CDADC1: variants seen among roughly 807,000 people sequenced by gnomAD.
The protein encoded by CDADC1 is dCTP deaminase.
In CDADC1, 39 loss-of-function variants were observed where a neutral mutation model predicts 54.9. That is an observed-to-expected ratio of 0.71 (90% confidence interval 0.55 to 0.93). The LOEUF is 0.93. Among genes scored for constraint, CDADC1 ranks in the 40% least tolerant of loss-of-function variants. The pLI, the probability that CDADC1 is intolerant of heterozygous loss-of-function variation, is 0.00. For missense variants in CDADC1, 518 were observed against 618.8 expected, an observed-to-expected ratio of 0.84 and a Z score of 1.73; for synonymous variants, 186 against 204.0, an observed-to-expected ratio of 0.91 and a Z score of 0.75.
chr13:49,268,150 T>A (rs1381851369), intron 5 of CDADC1, 91 bp downstream of exon 5: 5 of 1,021,030 alleles, frequency 4.9e-6, no homozygotes, highest in Non-Finnish European at 7.2e-6. Context: ...GTTCATTTAC[T>A]CATAGTTACT....
rs1434527505 is a variant in CDADC1 at position 49,293,257 on chromosome 13, CAGT to C, written c.*1502_*1504del. The C allele has an allele frequency of 6.6e-6, 1 of 152,244 alleles. No individual in the cohort carries two copies. The highest frequency in any genetic ancestry group is 2.4e-5 in the African/African-American group (1 of 41,454). 9.4% of individuals were successfully genotyped at this position (152,244 alleles called of 1,614,324 possible). A position where few individuals can be genotyped will look rare whatever the true frequency, so the allele number is the denominator to read the frequency against. On this transcript the variant is annotated 3_prime_UTR_variant, in exon 10 of 10. Coordinates refer to ENST00000251108, the MANE Select transcript of CDADC1 (RefSeq NM_030911.4). ...TACACCAAACATTTTATAAATCAAT[CAGT>C]AAATATTTTGTAAGACCCAAAATCC...
intron 4 of CDADC1, among the ~76,000 whole-genome samples, chr13:49,261,323 T>C (rs1319574531): frequency 6.6e-6 from 1 of 152,102 alleles, no homozygotes; most frequent in East Asian, 1.9e-4. Context: ...TCTGTGGTAG[T>C]GATTGGATTC....
At chr13:49,251,278 C>A (rs894160709) in intron 2 of CDADC1, among the ~76,000 whole-genome samples, 3 of 151,476 alleles carry the variant, frequency 2.0e-5, no homozygotes, top group Non-Finnish European at 4.4e-5. Context: ...CGTGGTGGTG[C>A]GTGCCTGTAG....
At chr13:49,272,203 T>C (rs968560173) in intron 5 of CDADC1, among the ~76,000 whole-genome samples, 2 of 152,240 alleles carry the variant, frequency 1.3e-5, no homozygotes, top group Non-Finnish European at 2.9e-5. Context: ...ATTTTTATTC[T>C]GGTTTTTTAT....
At chr13:49,251,873 CT>C (rs35208522) in intron 2 of CDADC1, among the ~76,000 whole-genome samples, 47,380 of 152,000 alleles carry the variant, frequency 0.31, 7,447 homozygotes, top group East Asian at 0.5. Flanking sequence ...GCCAACAACT[CT>C]TAAGTTTTCC....
intron 2 of CDADC1, among the ~76,000 whole-genome samples, chr13:49,254,338 A>G (rs913244431): frequency 1.3e-5 from 2 of 151,598 alleles, no homozygotes; most frequent in African/African-American, 2.4e-5. Flanking sequence ...TAAGACTAGC[A>G]GGTCAACATT....
intron 1 of CDADC1, 168 bp downstream of exon 1, chr13:49,248,287 C>A (rs1419386047): frequency 3.4e-6 from 2 of 589,300 alleles, no homozygotes; most frequent in Non-Finnish European, 6.0e-6. Context: ...CAGGACCAAT[C>A]GGCTCGGTCG....
chr13:49,251,894 A>G (rs1952441772), intron 2 of CDADC1, among the ~76,000 whole-genome samples: 1 of 152,212 alleles, frequency 6.6e-6, no homozygotes, highest in African/African-American at 2.4e-5. Flanking sequence ...CTGGCATCTC[A>G]TTCCTTCATC....
intron 9 of CDADC1, among the ~76,000 whole-genome samples, chr13:49,291,316 C>T (rs767184837): frequency 1.1e-4 from 16 of 147,914 alleles, no homozygotes; most frequent in Non-Finnish European, 1.9e-4. Flanking sequence ...TACAGGTGTG[C>T]GCCACAACAC....
chr13:49,278,403 T>C lies in CDADC1; in HGVS notation c.1104T>C (p.Ala368=). Residue 368 remains alanine (A), a synonymous_variant, in exon 7 of 10, where the codon GCT becomes GCC. Coordinates refer to ENST00000251108, the MANE Select transcript of CDADC1 (RefSeq NM_030911.4). ...ACTTTGTAGGATGTGGTTACAATGC[T>C]TTTCCTGTTGGATCTGAGTATGCTG... ...AMYFVGCGYN[A]FPVGSEYADF... The C allele has an allele frequency of 6.2e-7, 1 of 1,602,712 alleles. No homozygotes were observed.
At chr13:49,262,129 T>C (rs981075486) in intron 4 of CDADC1, among the ~76,000 whole-genome samples, 7 of 152,034 alleles carry the variant, frequency 4.6e-5, no homozygotes, top group Non-Finnish European at 1.5e-5. Flanking sequence ...GTCCACGAGG[T>C]CAATGTTATT....
intron 5 of CDADC1, among the ~76,000 whole-genome samples, chr13:49,269,387 C>G (rs1271738312): frequency 6.6e-6 from 1 of 152,010 alleles, no homozygotes; most frequent in African/African-American, 2.4e-5. Flanking sequence ...TAAACCAAGT[C>G]CCTAACAAAA....
intron 7 of CDADC1, 53 bp from the exon 8 acceptor site, chr13:49,280,455 AT>A (rs1953287163): frequency 4.3e-6 from 4 of 924,586 alleles, no homozygotes; most frequent in Non-Finnish European, 6.1e-6. Flanking sequence ...TTTCTAAAAA[AT>A]AACTTACCCT....
At chr13:49,263,844 A>G (rs896502594) in intron 4 of CDADC1, among the ~76,000 whole-genome samples, 2 of 152,316 alleles carry the variant, frequency 1.3e-5, no homozygotes, top group Non-Finnish European at 2.9e-5. Flanking sequence ...ACTGCTTACA[A>G]TTCCAACCAA....
intron 5 of CDADC1, among the ~76,000 whole-genome samples, chr13:49,270,777 TAATAAC>T (rs1952946379): frequency 6.6e-6 from 1 of 152,178 alleles, no homozygotes; most frequent in Non-Finnish European, 1.5e-5. Context: ...TAATGATAAA[TAATAAC>T]AATGACAGTT....
chr13:49,267,807 A>T lies in CDADC1; in HGVS notation c.748A>T (p.Met250Leu). 1 of 1,613,098 alleles carries T rather than the reference A, an allele frequency of 6.2e-7. No homozygotes were observed. The highest frequency in any genetic ancestry group is 8.5e-7 in the Non-Finnish European group (1 of 1,179,282). The change falls in exon 5 of 10, where the codon ATG becomes TTG. Residue 250 changes from methionine to leucine, a missense_variant. Transcript: ENST00000251108. ...GTTATTTTTGGTTTCAAATGAAGAAATGCATAAGCAAATACTGATGACTAT... is the reference window on the plus strand; with the variant it reads ...GTTATTTTTGGTTTCAAATGAAGAATTGCATAAGCAAATACTGATGACTAT... ...EMLFLVSNEE[M>L]HKQILMTIGL...
Position 49,291,575 on chromosome 13 carries a change from A to G in CDADC1, c.1472-109A>G, listed in dbSNP as rs1450632502. ...GAATTTGAAGATAAAATAAAGTGAA[A>G]GTTCCTTTAACTTAAGCATTGTTTT... On this transcript the variant is annotated intron_variant, in intron 9 of 9. Transcript: ENST00000251108. 3.3e-6 allele frequency: 3 copies of G among 910,188 alleles called. No homozygotes were observed. In the African/African-American group the frequency reaches 5.1e-5, roughly 16 times the overall value. The allele number at this position is 910,188 out of a possible 1,614,324, so 56.4% of individuals were successfully genotyped here.
chr13:49,267,990 A>G lies in CDADC1; in HGVS notation c.931A>G (p.Asn311Asp), dbSNP rs1174137978. The G allele has an allele frequency of 1.2e-6, 2 of 1,613,952 alleles. No individual in the cohort carries two copies. Among genetic ancestry groups the G allele is most frequent in the African/African-American group, 2.7e-5 (2 of 74,922 alleles). The part of the protein sequence containing the change: ...SNPEQINEIH[N>D]QSLPQEIARH... ...TCCAGAACAGATTAATGAAATTCACAATCAAAGTTTGCCACAGGAAATTGC... is the reference window on the plus strand; with the variant it reads ...TCCAGAACAGATTAATGAAATTCACGATCAAAGTTTGCCACAGGAAATTGC... The change falls in exon 5 of 10, where the codon AAT becomes GAT. Residue 311 changes from asparagine to aspartate, a missense_variant. Asn to Asp is a conservative substitution (Grantham distance 23). Coordinates refer to ENST00000251108, the MANE Select transcript of CDADC1 (RefSeq NM_030911.4).
intron 5 of CDADC1, among the ~76,000 whole-genome samples, chr13:49,270,457 A>G (rs911103049): frequency 1.3e-5 from 2 of 152,256 alleles, no homozygotes; most frequent in African/African-American, 4.8e-5. Flanking sequence ...GGCTTAAGCA[A>G]TCTTCCTGCC....
Sources: allele counts gnomAD v4.1 joint callset (sites outside exome capture counted in the v4.1 genomes callset), GRCh38; gene constraint gnomAD v4.1.1; transcripts MANE v1.5; gene names NCBI Gene and HGNC (gene_info 2026-07-23, HGNC 2026-07-21).